Variants in COL11A1 observed in about 807,000 individuals in gnomAD.
The protein encoded by COL11A1 is collagen type XI alpha 1 chain.
In COL11A1, 74 loss-of-function variants were observed where a neutral mutation model predicts 265.2. The ratio of observed to expected loss-of-function variants is 0.28; its 90% CI spans 0.23 to 0.34. The LOEUF (loss-of-function observed/expected upper bound fraction) is 0.34, where lower values mean the gene tolerates loss of function less well. COL11A1 is among the 10% of genes least tolerant of loss of function. The pLI is 1.00. For synonymous variants in COL11A1, 816 were observed against 727.6 expected, an observed-to-expected ratio of 1.12 and a Z score of -1.96; for missense variants, 2,165 against 2,263.6, an observed-to-expected ratio of 0.96 and a Z score of 0.88.
intron 41 of COL11A1, among the ~76,000 whole-genome samples, chr1:102,960,117 G>A (rs1180792964): frequency 6.6e-6 from 1 of 152,052 alleles, no homozygotes; most frequent in Non-Finnish European, 1.5e-5. Context: ...ATGAACTCCA[G>A]TGTAAGTCTA....
rs758636431 is a variant in COL11A1 at position 103,108,512 on chromosome 1, A to G, written c.-334T>C. Reference sequence around the variant, plus strand: ...AGTACTGTGTGCCCCTAAAGGCTTCATGCCGTCAGTGGGCTGGACGAGTGG... The same window carrying G: ...AGTACTGTGTGCCCCTAAAGGCTTCGTGCCGTCAGTGGGCTGGACGAGTGG... On this transcript the variant is annotated 5_prime_UTR_variant, in exon 1 of 67. The change abolishes an upstream ATG in the 5' untranslated region. Transcript: ENST00000370096. 1.6e-4 allele frequency: 88 copies of G among 560,702 alleles called. No homozygotes were observed. The highest frequency in any genetic ancestry group is 5.6e-4 in the Admixed American group (17 of 30,510). 34.7% of individuals were successfully genotyped at this position (560,702 alleles called of 1,614,324 possible).
intron 1 of COL11A1, among the ~76,000 whole-genome samples, chr1:103,098,331 G>T (rs1181860269): frequency 6.6e-6 from 1 of 151,894 alleles, no homozygotes; most frequent in African/African-American, 2.4e-5. Flanking sequence ...CCAGTGCCTA[G>T]TTATACAAGC....
At chr1:103,024,627 G>A (rs1667376307) in intron 7 of COL11A1, among the ~76,000 whole-genome samples, 1 of 151,892 alleles carries the variant, frequency 6.6e-6, no homozygotes, top group South Asian at 2.1e-4. Flanking sequence ...GGATGAATTT[G>A]GTTAGGTAAA....
At chr1:102,892,441 T>A (rs2100878538) in intron 57 of COL11A1, among the ~76,000 whole-genome samples, 1 of 152,144 alleles carries the variant, frequency 6.6e-6, no homozygotes, top group East Asian at 1.9e-4. Flanking sequence ...CCAAGCAGTA[T>A]GATGTACTAG....
At chr1:102,896,321 CATA>C (rs966619274) in intron 57 of COL11A1, among the ~76,000 whole-genome samples, 15 of 150,228 alleles carry the variant, frequency 1.0e-4, no homozygotes, top group African/African-American at 3.7e-4. Flanking sequence ...AACTAGTAAC[CATA>C]ATAAGTTACT....
intron 46 of COL11A1, among the ~76,000 whole-genome samples, chr1:102,926,809 C>G (rs1416780954): frequency 6.6e-6 from 1 of 152,022 alleles, no homozygotes; most frequent in Non-Finnish European, 1.5e-5. Flanking sequence ...TTAATGTACC[C>G]ATTGACAATC....
Position 103,004,667 on chromosome 1 carries a change from A to G in COL11A1, c.1846-6T>C. The G allele has an allele frequency of 6.2e-7, 1 of 1,606,126 alleles. No homozygotes were observed. Among genetic ancestry groups the G allele is most frequent in the Non-Finnish European group, 8.5e-7 (1 of 1,175,046 alleles). ...CCTTGAGGACCTCGTTCACCCTGTT[A>G]AATCAATACAAATAAGATTAGCATA... On this transcript the variant is annotated splice_polypyrimidine_tract_variant and splice_region_variant and intron_variant, in intron 18 of 66. Transcript: ENST00000370096.
At chr1:103,031,997 A>G (rs1397436558) in intron 4 of COL11A1, among the ~76,000 whole-genome samples, 1 of 152,114 alleles carries the variant, frequency 6.6e-6, no homozygotes. Context: ...AACTGCAAAC[A>G]AGAGAAAAAT....
At chr1:102,948,911 C>T (rs886247500) in intron 41 of COL11A1, among the ~76,000 whole-genome samples, 1 of 151,412 alleles carries the variant, frequency 6.6e-6, no homozygotes, top group African/African-American at 2.4e-5. Flanking sequence ...ATGAGCAACC[C>T]TAAGAGTAAA....
At chr1:102,933,796 G>A (rs186414859) in intron 46 of COL11A1, among the ~76,000 whole-genome samples, 112 of 152,304 alleles carry the variant, frequency 7.4e-4, no homozygotes, top group African/African-American at 2.6e-3. Flanking sequence ...CTCGTGGTGC[G>A]CCGTTTTTTA....
intron 42 of COL11A1, among the ~76,000 whole-genome samples, chr1:102,945,944 T>G (rs913505311): frequency 9.4e-5 from 14 of 149,182 alleles, no homozygotes; most frequent in Non-Finnish European, 1.8e-4. Flanking sequence ...CCAACAATGA[T>G]AGACTGGATT....
chr1:103,038,278 C>T (rs886153120), intron 4 of COL11A1, among the ~76,000 whole-genome samples: 3 of 152,056 alleles, frequency 2.0e-5, no homozygotes, highest in African/African-American at 7.2e-5. Context: ...GCCTGACCAA[C>T]ATGGTGAAAC....
intron 4 of COL11A1, among the ~76,000 whole-genome samples, chr1:103,073,233 T>C (rs1410980308): frequency 6.6e-6 from 1 of 151,804 alleles, no homozygotes; most frequent in Non-Finnish European, 1.5e-5. Flanking sequence ...AAGCATCAAT[T>C]TTTAAAAAAG....
At chr1:102,927,071 T>A (rs769903347) in intron 46 of COL11A1, among the ~76,000 whole-genome samples, 1 of 152,178 alleles carries the variant, frequency 6.6e-6, no homozygotes, top group Non-Finnish European at 1.5e-5. Flanking sequence ...GTGTTCATGA[T>A]GCAATTTGTG....
chr1:102,923,255 A>T, intron 47 of COL11A1, 81 bp downstream of exon 47: 1 of 1,135,296 alleles, frequency 8.8e-7, no homozygotes, highest in Non-Finnish European at 1.3e-6. Context: ...CATAGTAATG[A>T]AAGAACACAT....
At chr1:102,982,680 T>C (rs1663152076) in intron 31 of COL11A1, among the ~76,000 whole-genome samples, 1 of 152,104 alleles carries the variant, frequency 6.6e-6, no homozygotes. Context: ...AAAAGCATTA[T>C]ATTTATCCCC....
intron 4 of COL11A1, among the ~76,000 whole-genome samples, chr1:103,039,802 T>A (rs1668667922): frequency 6.6e-6 from 1 of 151,794 alleles, no homozygotes; most frequent in Non-Finnish European, 1.5e-5. Context: ...TCATTTCAAT[T>A]GAAAAAAAAT....
At chr1:103,047,624 G>T (rs1669404843) in intron 4 of COL11A1, among the ~76,000 whole-genome samples, 1 of 152,204 alleles carries the variant, frequency 6.6e-6, no homozygotes, top group South Asian at 2.1e-4. Context: ...GCCCTAGGCA[G>T]AACTTCCAAC....
chr1:102,948,851 T>G (rs1160726838), intron 41 of COL11A1, among the ~76,000 whole-genome samples: 1 of 151,906 alleles, frequency 6.6e-6, no homozygotes, highest in East Asian at 1.9e-4. Flanking sequence ...ATTATAGAAG[T>G]CAATGCAGTA....
Sources: gnomAD v4.1 joint callset for allele counts (sites outside exome capture counted in the v4.1 genomes callset) on GRCh38, gnomAD v4.1.1 for gene constraint, MANE v1.5 for transcripts, NCBI Gene and HGNC (gene_info 2026-07-23, HGNC 2026-07-21) for gene names.